The following PDCD1LG2 variants were observed in gnomAD, a reference collection of about 807,000 sequenced individuals.
The protein encoded by PDCD1LG2 is B7 dendritic cell molecule.
PDCD1LG2 carries 32 observed loss-of-function variants against 28.2 expected under a neutral mutation model. That is an observed-to-expected ratio of 1.13 (90% confidence interval 0.86 to 1.52). The LOEUF (loss-of-function observed/expected upper bound fraction) is 1.52, where lower values mean the gene tolerates loss of function less well. PDCD1LG2 is among the 40% of genes most tolerant of loss of function. PDCD1LG2 has a pLI of 0.00. For missense variants in PDCD1LG2, 385 were observed against 323.8 expected, an observed-to-expected ratio of 1.19 and a Z score of -1.45; for synonymous variants, 116 against 120.2, an observed-to-expected ratio of 0.97 and a Z score of 0.23.
At chr9:5,563,715 G>T (rs1372632014) in intron 6 of PDCD1LG2, among the ~76,000 whole-genome samples, 1 of 152,164 alleles carries the variant, frequency 6.6e-6, no homozygotes, top group Non-Finnish European at 1.5e-5. Context: ...TGGATGAAAA[G>T]CTTAGACTCA....
intron 3 of PDCD1LG2, among the ~76,000 whole-genome samples, chr9:5,546,609 T>C (rs1168767453): frequency 1.3e-5 from 2 of 152,160 alleles, no homozygotes; most frequent in African/African-American, 2.4e-5. Flanking sequence ...TGGGTGCTCC[T>C]AAGAACCTCA....
intron 5 of PDCD1LG2, 86 bp downstream of exon 5, chr9:5,557,838 T>A (rs2129923992): frequency 1.3e-6 from 2 of 1,484,162 alleles, no homozygotes; most frequent in Non-Finnish European, 1.9e-6. Context: ...TATGGCTTGC[T>A]GCTTTCATGC....
intron 3 of PDCD1LG2, among the ~76,000 whole-genome samples, chr9:5,542,503 G>A (rs1004096069): frequency 1.3e-5 from 2 of 151,950 alleles, no homozygotes; most frequent in African/African-American, 2.4e-5. Flanking sequence ...AAAAACAAAC[G>A]ATCCCATCAA....
chr9:5,524,536 C>G (rs775498188), intron 2 of PDCD1LG2, among the ~76,000 whole-genome samples: 1 of 152,118 alleles, frequency 6.6e-6, no homozygotes, highest in Non-Finnish European at 1.5e-5. Flanking sequence ...AAATACCTAC[C>G]TAAATTAGAA....
chr9:5,555,572 G>A (rs6476989), intron 4 of PDCD1LG2, among the ~76,000 whole-genome samples: 5,443 of 152,122 alleles, frequency 0.036, 275 homozygotes, highest in African/African-American at 0.11. Flanking sequence ...AGTATCTTTC[G>A]TTCCATGTAA....
At chr9:5,515,302 G>A (rs1037962994) in intron 1 of PDCD1LG2, among the ~76,000 whole-genome samples, 1 of 152,184 alleles carries the variant, frequency 6.6e-6, no homozygotes, top group Non-Finnish European at 1.5e-5. Flanking sequence ...CTTAAGAGGT[G>A]GCATGGTTGT....
chr9:5,536,940 C>G (rs1209901847), intron 3 of PDCD1LG2, among the ~76,000 whole-genome samples: 1 of 152,238 alleles, frequency 6.6e-6, no homozygotes, highest in East Asian at 1.9e-4. Context: ...CTACCACTCA[C>G]TCATCATGAA....
At chr9:5,524,098 A>G (rs1350731209) in intron 2 of PDCD1LG2, among the ~76,000 whole-genome samples, 4 of 152,232 alleles carry the variant, frequency 2.6e-5, no homozygotes, top group African/African-American at 9.6e-5. Context: ...ATACTGTGCT[A>G]GGCAATTTAC....
In PDCD1LG2 at chr9:5,522,618, G is replaced by C. The variant is rs952667402; in HGVS notation, c.55+17G>C. The stretch of plus-strand genomic sequence containing the variant: ...AGATAGCAGGTAAGAAAGGACAAAG[G>C]GAGAGGCTTAAGAAAGAAGAGCAGG... On this transcript the variant is annotated intron_variant, in intron 2 of 6. Coordinates refer to ENST00000397747, the MANE Select transcript of PDCD1LG2 (RefSeq NM_025239.4). 2.5e-6 allele frequency: 4 copies of C among 1,611,902 alleles called. No homozygotes were observed. In the South Asian group the frequency reaches 4.4e-5, roughly 18 times the overall value.
intron 3 of PDCD1LG2, among the ~76,000 whole-genome samples, chr9:5,542,432 A>G (rs952558176): frequency 1.3e-5 from 2 of 152,238 alleles, no homozygotes; most frequent in African/African-American, 2.4e-5. Flanking sequence ...TTCACAATCT[A>G]TACATCTGAC....
At chr9:5,529,663 T>G (rs996579238) in intron 2 of PDCD1LG2, among the ~76,000 whole-genome samples, 5 of 152,200 alleles carry the variant, frequency 3.3e-5, no homozygotes, top group African/African-American at 1.2e-4. Flanking sequence ...GATGTTTTTC[T>G]TCTCTCTTCG....
chr9:5,534,223 C>T (rs1554644826), intron 2 of PDCD1LG2, among the ~76,000 whole-genome samples: 1 of 152,110 alleles, frequency 6.6e-6, no homozygotes, highest in Non-Finnish European at 1.5e-5. Flanking sequence ...ATTACCATCA[C>T]TGGTGAGAGG....
chr9:5,547,114 C>G (rs369913493), intron 3 of PDCD1LG2, among the ~76,000 whole-genome samples: 3 of 152,160 alleles, frequency 2.0e-5, no homozygotes, highest in African/African-American at 7.2e-5. Flanking sequence ...GGACGTGGCA[C>G]AAAGCTCAAC....
At chr9:5,516,831 C>G (rs1448776152) in intron 1 of PDCD1LG2, among the ~76,000 whole-genome samples, 2 of 152,206 alleles carry the variant, frequency 1.3e-5, no homozygotes, top group Non-Finnish European at 1.5e-5. Flanking sequence ...TGGGAAGAGG[C>G]CAGGGAGTGG....
chr9:5,535,959 T>C (rs981223106), intron 3 of PDCD1LG2, among the ~76,000 whole-genome samples: 5 of 152,240 alleles, frequency 3.3e-5, no homozygotes, highest in African/African-American at 1.2e-4. Flanking sequence ...GCTTGAATGC[T>C]CTGAGATAAA....
chr9:5,568,942 G>A (rs1160399545), intron 6 of PDCD1LG2, among the ~76,000 whole-genome samples: 2 of 152,180 alleles, frequency 1.3e-5, no homozygotes, highest in African/African-American at 2.4e-5. Flanking sequence ...AAGTTTTCAT[G>A]GAGAAGGTGA....
In PDCD1LG2 at chr9:5,549,612, C is replaced by G. The variant is rs369926493; in HGVS notation, c.631+8C>G. On this transcript the variant is annotated splice_region_variant and intron_variant, in intron 4 of 6. Transcript: ENST00000397747. The stretch of plus-strand genomic sequence containing the variant: ...CCAGCATTGACCTTCAAAGTAAGAG[C>G]TGCCCCCACTTCCTAGGTCTATCAG... The G allele has an allele frequency of 1.2e-6, 2 of 1,613,786 alleles. No individual in the cohort carries two copies. The highest frequency in any genetic ancestry group is 1.3e-5 in the African/African-American group (1 of 74,934).
At chr9:5,513,853 G>A (rs545795467) in intron 1 of PDCD1LG2, among the ~76,000 whole-genome samples, 65 of 152,318 alleles carry the variant, frequency 4.3e-4, no homozygotes, top group African/African-American at 1.4e-3. Flanking sequence ...AGGACCTGGG[G>A]CAAACTCTGC....
chr9:5,564,700 T>C (rs1381075670), intron 6 of PDCD1LG2, among the ~76,000 whole-genome samples: 1 of 152,154 alleles, frequency 6.6e-6, no homozygotes, highest in African/African-American at 2.4e-5. Flanking sequence ...TTTCAGGCCT[T>C]TTGACAACTA....
Sources: allele counts gnomAD v4.1 joint callset (sites outside exome capture counted in the v4.1 genomes callset), GRCh38; gene constraint gnomAD v4.1.1; transcripts MANE v1.5; gene names NCBI Gene and HGNC (gene_info 2026-07-23, HGNC 2026-07-21).